Variants in MIA2 observed in about 807,000 individuals in gnomAD.
MIA2 encodes the protein melanoma inhibitory activity protein 2.
MIA2 carries 127 observed loss-of-function variants against 167.8 expected under a neutral mutation model. The observed-to-expected ratio is 0.76, with a 90% CI of 0.66 to 0.88. The LOEUF is 0.88. Ranked by LOEUF, MIA2 falls within the 40% of genes least tolerant of loss-of-function variation. The pLI is 0.00. For synonymous variants in MIA2, 552 were observed against 541.9 expected, an observed-to-expected ratio of 1.02 and a Z score of -0.26; for missense variants, 1,690 against 1,624.7, an observed-to-expected ratio of 1.04 and a Z score of -0.69.
At chr14:39,255,017 ATGG>A (rs2054753062) in intron 6 of MIA2, among the ~76,000 whole-genome samples, 1 of 152,164 alleles carries the variant, frequency 6.6e-6, no homozygotes, top group Non-Finnish European at 1.5e-5. Flanking sequence ...GACCTGTTAG[ATGG>A]TGGTGCCATT....
chr14:39,332,595 G>A (rs976150158), intron 25 of MIA2, among the ~76,000 whole-genome samples: 6 of 152,102 alleles, frequency 3.9e-5, no homozygotes, highest in African/African-American at 1.4e-4. Flanking sequence ...ATTGGTCTTT[G>A]CTGTTGATGA....
chr14:39,325,366 ATT>A (rs1203450043), intron 24 of MIA2, among the ~76,000 whole-genome samples: 16 of 136,968 alleles, frequency 1.2e-4, no homozygotes, highest in East Asian at 2.1e-4. Context: ...TGAATGTTAA[ATT>A]TTTTTTTTTT....
intron 6 of MIA2, 135 bp downstream of exon 6, chr14:39,253,306 T>G: frequency 1.8e-6 from 2 of 1,135,358 alleles, no homozygotes; most frequent in Non-Finnish European, 2.6e-6. Flanking sequence ...ACATCTTACC[T>G]GTAAGATTTC....
intron 17 of MIA2, 60 bp downstream of exon 17, chr14:39,304,441 G>T: frequency 1.1e-6 from 1 of 883,228 alleles, no homozygotes; most frequent in Non-Finnish European, 1.7e-6. Flanking sequence ...TCTTGGCAGA[G>T]AATGGTAAAA....
chr14:39,303,984 G>C (rs183011127), intron 16 of MIA2, among the ~76,000 whole-genome samples: 1 of 152,062 alleles, frequency 6.6e-6, no homozygotes, highest in Non-Finnish European at 1.5e-5. Context: ...TAGTTTGAAG[G>C]CTGCTTTAAT....
At chr14:39,289,227 CT>C (rs11349799) in intron 9 of MIA2, among the ~76,000 whole-genome samples, 132,286 of 146,206 alleles carry the variant, frequency 0.9, 59,824 homozygotes, top group East Asian at 0.95. Flanking sequence ...GGCAGGTTTT[CT>C]TTTTTTTTTT....
chr14:39,240,525 T>C, intron 2 of MIA2, 36 bp from the exon 3 acceptor site: 3 of 1,510,128 alleles, frequency 2.0e-6, no homozygotes, highest in Non-Finnish European at 2.8e-6. Context: ...GCTTTGATCA[T>C]TCTTCCTCGA....
At chr14:39,376,707 C>G (rs1440349146) in intron 23 of MIA2, among the ~76,000 whole-genome samples, 7 of 152,114 alleles carry the variant, frequency 4.6e-5, no homozygotes, top group Non-Finnish European at 1.0e-4. Context: ...CAGATCTGTG[C>G]CTTTCTCCAC....
At chr14:39,333,199 A>G (rs1031908975) in intron 25 of MIA2, among the ~76,000 whole-genome samples, 3 of 152,100 alleles carry the variant, frequency 2.0e-5, no homozygotes, top group African/African-American at 7.2e-5. Context: ...GATGGGTCAC[A>G]TTCTCTTTCT....
rs35976478 is a variant in MIA2, at chr14:39,275,089, ATT to A, written c.1888-1832_1888-1831del. On this transcript the variant is annotated intron_variant, in intron 6 of 28. Transcript: ENST00000640607. ...GACTCCGTCTCAAAAAAAAAAAAAAATTTTTTTTTTTTTTAAATTATTCCTTA... is the reference window on the plus strand; with the variant it reads ...GACTCCGTCTCAAAAAAAAAAAAAAATTTTTTTTTTTTAAATTATTCCTTA... Among the ~76,000 whole-genome samples, 31 of 45,640 alleles carry A rather than the reference ATT, an allele frequency of 6.8e-4. 2 individuals are homozygous for A. The highest frequency in any genetic ancestry group is 2.1e-3 in the East Asian group (2 of 934). 29.9% of individuals were successfully genotyped at this position (45,640 alleles called of 152,430 possible).
intron 13 of MIA2, among the ~76,000 whole-genome samples, chr14:39,299,402 G>A (rs2062042732): frequency 7.0e-6 from 1 of 142,670 alleles, no homozygotes; most frequent in Admixed American, 7.8e-5. Context: ...CTGCCTCCTG[G>A]GTTCAAGCGA....
intron 23 of MIA2, among the ~76,000 whole-genome samples, chr14:39,365,662 TC>T (rs1192494747): frequency 5.8e-5 from 2 of 34,224 alleles, no homozygotes; most frequent in Non-Finnish European, 1.0e-4. Flanking sequence ...TATCTATCTA[TC>T]TATCTATCTA....
At chr14:39,357,724 A>T (rs534044457) in intron 23 of MIA2, among the ~76,000 whole-genome samples, 4 of 152,298 alleles carry the variant, frequency 2.6e-5, no homozygotes, top group African/African-American at 9.6e-5. Context: ...TGCTTCCTTC[A>T]GGAGCTCCCG....
At chr14:39,384,461 A>G (rs2075230849) in intron 23 of MIA2, among the ~76,000 whole-genome samples, 1 of 152,222 alleles carries the variant, frequency 6.6e-6, no homozygotes, top group South Asian at 2.1e-4. Context: ...CCCATTCTGC[A>G]GCCCATGGAT....
chr14:39,383,508 T>G (rs564030941), intron 23 of MIA2, among the ~76,000 whole-genome samples: 28 of 152,174 alleles, frequency 1.8e-4, no homozygotes, highest in Non-Finnish European at 2.8e-4. Context: ...GGCCTATGAC[T>G]AACCCTACAG....
rs1407371931 is a variant in MIA2, at chr14:39,289,536, G to C, written c.2131-1483G>C. Among the ~76,000 whole-genome samples, 4 of 152,168 alleles carry C rather than the reference G, an allele frequency of 2.6e-5. 1 individual carries two copies. The highest frequency in any genetic ancestry group is 5.9e-5 in the Non-Finnish European group (4 of 68,034). ...CCAAGGTACCAGTTTTGGTTGGTAA[G>C]GACATTAATTTCCTTTTGCTGCTGT... On this transcript the variant is annotated intron_variant, in intron 9 of 28. Transcript: ENST00000640607.
chr14:39,283,354 T>C (rs1186105598), intron 9 of MIA2, among the ~76,000 whole-genome samples: 2 of 152,216 alleles, frequency 1.3e-5, no homozygotes, highest in African/African-American at 4.8e-5. Flanking sequence ...TCCCTGCCAG[T>C]AGTGTACAGT....
intron 25 of MIA2, among the ~76,000 whole-genome samples, chr14:39,336,155 T>A (rs1397972995): frequency 6.6e-6 from 1 of 152,200 alleles, no homozygotes; most frequent in East Asian, 1.9e-4. Context: ...GTAGTTCTGT[T>A]TTAAGTTCTT....
intron 27 of MIA2, 94 bp downstream of exon 27, chr14:39,347,865 A>G: frequency 8.3e-7 from 1 of 1,202,822 alleles, no homozygotes; most frequent in South Asian, 1.5e-5. Flanking sequence ...ATTGTTGCCC[A>G]AGCTGGAGTG....
Sources: allele counts gnomAD v4.1 joint callset (sites outside exome capture counted in the v4.1 genomes callset), GRCh38; gene constraint gnomAD v4.1.1; transcripts MANE v1.5; gene names NCBI Gene and HGNC (gene_info 2026-07-23, HGNC 2026-07-21).